Variants in PPP1R1C observed in about 807,000 individuals in gnomAD.
The protein encoded by PPP1R1C is protein phosphatase 1 regulatory subunit 1C.
PPP1R1C carries 15 observed loss-of-function variants against 17.4 expected under a neutral mutation model. The observed-to-expected ratio is 0.86, with a 90% CI of 0.58 to 1.33. PPP1R1C has a LOEUF of 1.33. PPP1R1C is among the 40% of genes most tolerant of loss of function. The pLI, the probability that PPP1R1C is intolerant of heterozygous loss-of-function variation, is 0.00. For missense variants in PPP1R1C, 143 were observed against 130.0 expected (o/e 1.10, Z -0.48); for synonymous variants, 35 against 43.1 (o/e 0.81, Z 0.73).
In PPP1R1C at chr2:182,037,919, A is replaced by G. The variant is rs1299061681; in HGVS notation, c.143-23523A>G. Among the ~76,000 whole-genome samples the G allele has an allele frequency of 2.6e-5, 4 of 152,276 alleles. No individual in the cohort carries two copies. In the East Asian group the frequency reaches 7.7e-4, roughly 29 times the overall value. On this transcript the variant is annotated intron_variant, in intron 2 of 4. Transcript: ENST00000682840. ...TTGATCAAAGTCATGCTGAAACCAC[A>G]TATATATCAGTAAGATATTTGGAAA...
At chr2:181,991,075 T>G (rs1685460297) in intron 2 of PPP1R1C, among the ~76,000 whole-genome samples, 1 of 151,816 alleles carries the variant, frequency 6.6e-6, no homozygotes, top group Non-Finnish European at 1.5e-5. Context: ...ACAAGATCAG[T>G]GTACTGCAAT....
intron 2 of PPP1R1C, among the ~76,000 whole-genome samples, chr2:181,996,897 C>T (rs1685626741): frequency 6.6e-6 from 1 of 152,148 alleles, no homozygotes; most frequent in Admixed American, 6.5e-5. Context: ...TCATTTTATG[C>T]TTTTTCCCCT....
chr2:182,029,179 G>A (rs1255199889), intron 2 of PPP1R1C, among the ~76,000 whole-genome samples: 1 of 147,908 alleles, frequency 6.8e-6, no homozygotes, highest in Non-Finnish European at 1.5e-5. Flanking sequence ...TTGCCAGTCT[G>A]TGTCTTTTAA....
intron 2 of PPP1R1C, among the ~76,000 whole-genome samples, chr2:182,015,516 G>T (rs1011035817): frequency 3.3e-5 from 5 of 152,096 alleles, no homozygotes; most frequent in African/African-American, 1.2e-4. Flanking sequence ...ATTATGTTGG[G>T]TCACATCTAA....
chr2:181,964,941 G>A (rs766914196), intron 1 of PPP1R1C, among the ~76,000 whole-genome samples: 1 of 152,098 alleles, frequency 6.6e-6, no homozygotes, highest in Non-Finnish European at 1.5e-5. Context: ...CCTGACCTCA[G>A]GTCATCCACC....
At chr2:182,065,179 C>A (rs542892158) in intron 4 of PPP1R1C, among the ~76,000 whole-genome samples, 13 of 152,098 alleles carry the variant, frequency 8.5e-5, no homozygotes, top group African/African-American at 3.1e-4. Context: ...TAATGATAAT[C>A]ATTTGTGGTC....
At chr2:182,035,161 C>A (rs986639086) in intron 2 of PPP1R1C, among the ~76,000 whole-genome samples, 1 of 152,156 alleles carries the variant, frequency 6.6e-6, no homozygotes, top group African/African-American at 2.4e-5. Context: ...CTCTTCATCG[C>A]CACATCACCT....
At chr2:182,092,630 G>A (rs559755566) in intron 4 of PPP1R1C, among the ~76,000 whole-genome samples, 27 of 152,200 alleles carry the variant, frequency 1.8e-4, no homozygotes, top group South Asian at 2.1e-4. Flanking sequence ...ATCTAATGGC[G>A]GTACAGGCAT....
intron 1 of PPP1R1C, among the ~76,000 whole-genome samples, chr2:181,964,766 T>C (rs890556617): frequency 2.0e-5 from 3 of 152,272 alleles, no homozygotes; most frequent in East Asian, 1.9e-4. Flanking sequence ...AGTGCAGTGG[T>C]GCAATCTCAG....
chr2:182,108,437 T>C (rs1482567657), intron 4 of PPP1R1C, among the ~76,000 whole-genome samples: 10 of 152,120 alleles, frequency 6.6e-5, no homozygotes, highest in Non-Finnish European at 1.5e-5. Flanking sequence ...TTTGAACATG[T>C]TTTCTTCTTT....
intron 2 of PPP1R1C, among the ~76,000 whole-genome samples, chr2:182,054,843 TAGAG>T (rs1184921006): frequency 6.6e-6 from 1 of 151,966 alleles, no homozygotes; most frequent in Non-Finnish European, 1.5e-5. Context: ...ATATTTTTAG[TAGAG>T]ACAGGGTTTC....
chr2:182,021,375 T>C (rs1808054), intron 2 of PPP1R1C, among the ~76,000 whole-genome samples: 8,354 of 138,802 alleles, frequency 0.06, 869 homozygotes, highest in African/African-American at 0.21. Context: ...GTCACCAGGC[T>C]GGAGTGCAGT....
chr2:182,034,858 A>T lies in PPP1R1C; in HGVS notation c.143-26584A>T, dbSNP rs145629579. Among the ~76,000 whole-genome samples the T allele has an allele frequency of 2.0e-5, 3 of 152,342 alleles. No individual in the cohort carries two copies. The East Asian group carries it at 5.8e-4, about 29-fold the overall frequency. On this transcript the variant is annotated intron_variant, in intron 2 of 4. Coordinates refer to ENST00000682840, the MANE Select transcript of PPP1R1C (RefSeq NM_001080545.3). ...GCCACCAAAATCAGCAAATGTTCAC[A>T]TCATTTATCATGGTCCTAGGCACAT...
chr2:182,014,509 G>A (rs759419374), intron 2 of PPP1R1C, among the ~76,000 whole-genome samples: 35 of 151,936 alleles, frequency 2.3e-4, no homozygotes, highest in Non-Finnish European at 4.7e-4. Context: ...GCACAGCACC[G>A]AGTCTTGCCC....
chr2:182,103,860 T>C (rs565998452), intron 4 of PPP1R1C: 40 of 152,258 alleles, frequency 2.6e-4, no homozygotes, highest in African/African-American at 9.6e-4. Flanking sequence ...ATGGAGGGAA[T>C]CGAGCAGATT....
chr2:182,059,468 C>T (rs773235393), intron 2 of PPP1R1C, among the ~76,000 whole-genome samples: 7 of 151,382 alleles, frequency 4.6e-5, no homozygotes, highest in Non-Finnish European at 7.4e-5. Context: ...GGACTGCCAA[C>T]GGGGTCAGAA....
intron 4 of PPP1R1C, among the ~76,000 whole-genome samples, chr2:182,066,106 A>G (rs763674586): frequency 6.6e-6 from 1 of 152,144 alleles, no homozygotes; most frequent in African/African-American, 2.4e-5. Context: ...CCAAAATCTT[A>G]TCAGCTTTTT....
chr2:182,037,040 C>G (rs958907704), intron 2 of PPP1R1C, among the ~76,000 whole-genome samples: 2 of 152,094 alleles, frequency 1.3e-5, no homozygotes, highest in Admixed American at 6.5e-5. Context: ...AATACCAGAA[C>G]GGATTGAGGC....
At chr2:181,992,189 T>TAAATATAATACTA (rs1215051232) in intron 2 of PPP1R1C, among the ~76,000 whole-genome samples, 3 of 137,498 alleles carry the variant, frequency 2.2e-5, no homozygotes, top group African/African-American at 5.4e-5. Context: ...TTAACCGGGC[T>TAAATATAATACTA]TTTCAACTCC....
Sources: allele counts gnomAD v4.1 joint callset (sites outside exome capture counted in the v4.1 genomes callset), GRCh38; gene constraint gnomAD v4.1.1; transcripts MANE v1.5; gene names NCBI Gene and HGNC (gene_info 2026-07-23, HGNC 2026-07-21).